ZSCAN1: variants seen among roughly 807,000 people sequenced by gnomAD.
ZSCAN1 encodes zinc finger and SCAN domain-containing protein 1.
Under a neutral mutation model 23.8 loss-of-function variants are expected in ZSCAN1, and 23 were observed. The observed-to-expected ratio is 0.97, with a 90% CI of 0.70 to 1.37. ZSCAN1 has a LOEUF of 1.37. ZSCAN1 is among the 40% of genes most tolerant of loss of function. The probability of loss-of-function intolerance (pLI) is 0.00; values close to 1 mark genes in which losing one functional copy is unlikely to be tolerated. For missense variants in ZSCAN1, 575 were observed against 554.0 expected (o/e 1.04, Z -0.38); for synonymous variants, 236 against 232.3 (o/e 1.02, Z -0.15).
intron 4 of ZSCAN1, chr19:58,044,535 A>G: frequency 2.2e-6 from 1 of 459,628 alleles, no homozygotes; most frequent in Non-Finnish European, 3.7e-6. Flanking sequence ...GCCGCCGCGG[A>G]GAAGGAGGAG....
intron 4 of ZSCAN1, among the ~76,000 whole-genome samples, chr19:58,041,007 G>A (rs2073785079): frequency 6.6e-6 from 1 of 152,234 alleles, no homozygotes; most frequent in Non-Finnish European, 1.5e-5. Flanking sequence ...TCGGTTGGGA[G>A]CCAAGCGGAT....
chr19:58,052,778 T>A, intron 5 of ZSCAN1, 150 bp downstream of exon 5: 1 of 1,237,086 alleles, frequency 8.1e-7, no homozygotes, highest in Non-Finnish European at 1.1e-6. Flanking sequence ...CTGTGAGGAC[T>A]GAGATCTGGG....
intron 4 of ZSCAN1, among the ~76,000 whole-genome samples, chr19:58,042,748 A>C (rs2073799036): frequency 6.6e-6 from 1 of 152,170 alleles, no homozygotes; most frequent in Non-Finnish European, 1.5e-5. Flanking sequence ...TGGAAACCAC[A>C]GCCGCGCTCA....
In ZSCAN1 at chr19:58,040,659, C is replaced by T; in HGVS notation, c.465+115C>T. On this transcript the variant is annotated intron_variant, in intron 4 of 5. Coordinates refer to ENST00000282326, the MANE Select transcript of ZSCAN1 (RefSeq NM_182572.4). The surrounding 1 kb of genome is among the most constrained non-coding windows in gnomAD (Gnocchi z 5.8). ...CTGTGTGAGGTTGTCCCCAGCGCTC[C>T]CAGGAAGCCCGGCCTCCAAACTCCC... 1.9e-6 allele frequency: 2 copies of T among 1,033,998 alleles called. No individual in the cohort carries two copies. The highest frequency in any genetic ancestry group is 2.9e-6 in the Non-Finnish European group (2 of 698,904). The allele number at this position is 1,033,998 out of a possible 1,614,324, so 64.1% of individuals were successfully genotyped here.
chr19:58,036,640 CGA>C (rs778501364), intron 2 of ZSCAN1, among the ~76,000 whole-genome samples: 4 of 151,794 alleles, frequency 2.6e-5, no homozygotes, highest in East Asian at 3.9e-4. Context: ...CTCAGCCTCC[CGA>C]GTAGCTGGGA....
At chr19:58,037,618 G>A (rs2073747306) in intron 2 of ZSCAN1, 110 bp from the exon 3 acceptor site, 1 of 507,316 alleles carries the variant, frequency 2.0e-6, no homozygotes, top group African/African-American at 2.0e-5. Flanking sequence ...GGTCAGGTTG[G>A]TTCCTTGGGG....
chr19:58,053,611 C>A lies in ZSCAN1; in HGVS notation c.787C>A (p.Pro263Thr). Residue 263 changes from proline to threonine, a missense_variant, in exon 6 of 6, where the codon CCA becomes ACA. Transcript: ENST00000282326. The surrounding 1 kb of genome is among the most constrained non-coding windows in gnomAD (Gnocchi z 5.8). ...RNTDQSGRHQ[P>T]SLKHTKGGTQ... ...CACTGACCAGAGCGGCCGCCACCAGCCATCCCTCAAGCACACCAAAGGTGG... is the reference window on the plus strand; with the variant it reads ...CACTGACCAGAGCGGCCGCCACCAGACATCCCTCAAGCACACCAAAGGTGG... 6.2e-7 allele frequency: 1 copy of A among 1,614,164 alleles called. No individual in the cohort carries two copies. Among genetic ancestry groups the A allele is most frequent in the African/African-American group, 1.3e-5 (1 of 75,032 alleles).
intron 3 of ZSCAN1, among the ~76,000 whole-genome samples, chr19:58,038,697 C>G (rs866794309): frequency 6.6e-6 from 1 of 152,262 alleles, no homozygotes; most frequent in South Asian, 2.1e-4. Flanking sequence ...TGTCTCCTCT[C>G]TCAGCTCCCC....
In ZSCAN1 at chr19:58,054,129, C is replaced by A. The variant is rs1008781119; in HGVS notation, c.*78C>A. 3.5e-6 allele frequency: 5 copies of A among 1,425,490 alleles called. No homozygotes were observed. The Admixed American group carries it at 1.1e-4, about 33-fold the overall frequency. 88.3% of individuals were successfully genotyped at this position (1,425,490 alleles called of 1,614,324 possible). A position where few individuals can be genotyped will look rare whatever the true frequency, so the allele number is the denominator to read the frequency against. The stretch of plus-strand genomic sequence containing the variant: ...ATGGGCCCCAGAAGATGGGGGACAT[C>A]CCCCAGCCCCACCAACCCCTGGCCA... On this transcript the variant is annotated 3_prime_UTR_variant, in exon 6 of 6. Transcript: ENST00000282326. The surrounding 1 kb of genome is among the most constrained non-coding windows in gnomAD (Gnocchi z 4.2).
chr19:58,039,183 G>A (rs2073765944), intron 3 of ZSCAN1, among the ~76,000 whole-genome samples: 1 of 152,194 alleles, frequency 6.6e-6, no homozygotes, highest in Non-Finnish European at 1.5e-5. Context: ...GAGGCTCAAG[G>A]GTAGCCCTGT....
rs1010550544 is a variant in ZSCAN1, at chr19:58,052,724, T to G, written c.604+96T>G. ...TTGTTAATGGGTTGAGTTGGGTGCT[T>G]CGGTGGTGAACTCCACACTTCCCCC... On this transcript the variant is annotated intron_variant, in intron 5 of 5. Coordinates refer to ENST00000282326, the MANE Select transcript of ZSCAN1 (RefSeq NM_182572.4). 4 of 1,478,190 alleles carry G rather than the reference T, an allele frequency of 2.7e-6. No homozygotes were observed. The African/African-American group carries it at 4.2e-5, about 16-fold the overall frequency. 91.6% of individuals were successfully genotyped at this position (1,478,190 alleles called of 1,614,324 possible). A position where few individuals can be genotyped will look rare whatever the true frequency, so the allele number is the denominator to read the frequency against.
At chr19:58,041,788 A>C (rs1044184771) in intron 4 of ZSCAN1, among the ~76,000 whole-genome samples, 5 of 152,160 alleles carry the variant, frequency 3.3e-5, no homozygotes, top group Non-Finnish European at 5.9e-5. Flanking sequence ...AGGTAGGAGG[A>C]TCACTTGAGC....
chr19:58,046,186 A>G, intron 4 of ZSCAN1: 1 of 753,168 alleles, frequency 1.3e-6, no homozygotes, highest in Non-Finnish European at 2.5e-6. Context: ...AGAGATGACT[A>G]AGGAGGAGAT....
chr19:58,036,689 GTTAT>G (rs1322218743), intron 2 of ZSCAN1, among the ~76,000 whole-genome samples: 3 of 150,664 alleles, frequency 2.0e-5, no homozygotes, highest in African/African-American at 4.9e-5. Flanking sequence ...CTCATTTTTG[GTTAT>G]TTATTTTTTT....
Position 58,052,532 on chromosome 19 carries a change from C to T in ZSCAN1, c.508C>T (p.Leu170Phe), listed in dbSNP as rs56177353. Residue 170 changes from leucine (L) to phenylalanine (F), a missense_variant, in exon 5 of 6, where the codon CTC becomes TTC. By Grantham distance (22) the Leu-to-Phe change is conservative (BLOSUM62 0). Coordinates refer to ENST00000282326, the MANE Select transcript of ZSCAN1 (RefSeq NM_182572.4). The part of the protein sequence containing the change: ...ILDAVAAAPA[L>F]PEESEWLETT... ...GGATGCAGTGGCAGCAGCCCCAGCA[C>T]TCCCCGAGGAAAGTGAGTGGCTGGA... The T allele has an allele frequency of 1.2e-6, 2 of 1,614,086 alleles. No homozygotes were observed. The highest frequency in any genetic ancestry group is 1.7e-6 in the Non-Finnish European group (2 of 1,180,030).
At position 58,049,451 on chromosome 19, in the gene ZSCAN1, G is replaced by A. The variant is rs545322338; in HGVS notation, c.466-3039G>A. 2.0e-5 allele frequency: 3 copies of A among 152,482 alleles called. No homozygotes were observed. The highest frequency in any genetic ancestry group is 7.2e-5 in the African/African-American group (3 of 41,566). The allele number at this position is 152,482 out of a possible 1,614,324, so 9.4% of individuals were successfully genotyped here. ...GGTACTCATTCAGGTCTTTGCTGGT[G>A]GAGAAGTTGTAGGCGGGGGGTGCTG... On this transcript the variant is annotated intron_variant, in intron 4 of 5. Coordinates refer to ENST00000282326, the MANE Select transcript of ZSCAN1 (RefSeq NM_182572.4). The surrounding 1 kb of genome is among the most constrained non-coding windows in gnomAD (Gnocchi z 4.5).
At chr19:58,044,920 C>T (rs1243542215) in intron 4 of ZSCAN1, 33 of 881,982 alleles carry the variant, frequency 3.7e-5, no homozygotes, top group Non-Finnish European at 5.2e-5. Flanking sequence ...GCACTCTTCG[C>T]GCCCTGTTGG....
intron 4 of ZSCAN1, among the ~76,000 whole-genome samples, chr19:58,052,043 C>G (rs1384169749): frequency 6.6e-6 from 1 of 152,352 alleles, no homozygotes; most frequent in East Asian, 1.9e-4. Flanking sequence ...TGGGCAAGGA[C>G]AGTGCAGCCT....
At chr19:58,055,581 G>A (rs1392772848), downstream of ZSCAN1, among the ~76,000 whole-genome samples, 3 of 152,174 alleles carry the variant, frequency 2.0e-5, no homozygotes, top group Admixed American at 6.5e-5. Flanking sequence ...TCTTGGCCCC[G>A]CAGTCAGCCC....
Sources: gnomAD v4.1 joint callset for allele counts (sites outside exome capture counted in the v4.1 genomes callset) on GRCh38, gnomAD v4.1.1 for gene constraint, Gnocchi (gnomAD v3.1) non-coding constraint, MANE v1.5 for transcripts, NCBI Gene and HGNC (gene_info 2026-07-23, HGNC 2026-07-21) for gene names.